EPHA6: variants seen among roughly 807,000 people sequenced by gnomAD.
The protein encoded by EPHA6 is ephrin type-A receptor 6.
EPHA6 carries 50 observed loss-of-function variants against 112.0 expected under a neutral mutation model. The observed-to-expected ratio is 0.45, with a 90% confidence interval of 0.36 to 0.56. EPHA6 has a LOEUF of 0.56. EPHA6 is among the 20% of genes least tolerant of loss of function. The probability of loss-of-function intolerance (pLI) is 0.00; values close to 1 mark genes in which losing one functional copy is unlikely to be tolerated. For missense variants in EPHA6, 1,280 were observed against 1,417.4 expected, an observed-to-expected ratio of 0.90 and a Z score of 1.56; for synonymous variants, 529 against 490.7, an observed-to-expected ratio of 1.08 and a Z score of -1.03.
chr3:97,120,754 A>G (rs2108302033), intron 3 of EPHA6, among the ~76,000 whole-genome samples: 1 of 152,086 alleles, frequency 6.6e-6, no homozygotes, highest in East Asian at 1.9e-4. Context: ...CTGGTGGGAT[A>G]TGTGAATACA....
chr3:97,040,751 A>C (rs573918602), intron 3 of EPHA6, among the ~76,000 whole-genome samples: 1 of 152,242 alleles, frequency 6.6e-6, no homozygotes, highest in African/African-American at 2.4e-5. Context: ...TGCAACAGCA[A>C]AGCAATGATG....
intron 3 of EPHA6, chr3:96,994,182 C>T (rs1307613566): frequency 5.2e-6 from 2 of 383,620 alleles, no homozygotes; most frequent in African/African-American, 2.0e-5. Flanking sequence ...TTATATTAAG[C>T]ATGTTTGCTA....
intron 3 of EPHA6, among the ~76,000 whole-genome samples, chr3:96,993,278 C>T (rs758717382): frequency 5.3e-5 from 8 of 151,628 alleles, no homozygotes; most frequent in Non-Finnish European, 1.2e-4. Context: ...TATATGTTTC[C>T]CTTCCACCTA....
At chr3:96,856,779 T>C (rs942402058) in intron 1 of EPHA6, among the ~76,000 whole-genome samples, 10 of 152,154 alleles carry the variant, frequency 6.6e-5, no homozygotes, top group Admixed American at 6.5e-4. Context: ...TAGTACTCTT[T>C]AAGAAATCTT....
chr3:97,675,030 C>T (rs2031229128), intron 14 of EPHA6, among the ~76,000 whole-genome samples: 2 of 152,262 alleles, frequency 1.3e-5, no homozygotes, highest in South Asian at 2.1e-4. Context: ...TCTAAGGGGC[C>T]TATGCTTTGC....
chr3:97,091,305 G>A (rs1274193473), intron 3 of EPHA6, among the ~76,000 whole-genome samples: 8 of 152,040 alleles, frequency 5.3e-5, no homozygotes, highest in Admixed American at 4.6e-4. Context: ...AAACTAACTG[G>A]AAACAATATT....
chr3:97,646,103 G>T, intron 14 of EPHA6: 1 of 1,520,090 alleles, frequency 6.6e-7, no homozygotes, highest in South Asian at 1.2e-5. Flanking sequence ...CCATTAAAAT[G>T]ACTTTGCCAA....
intron 2 of EPHA6, among the ~76,000 whole-genome samples, chr3:96,922,034 TAGAGAG>T (rs112126178): frequency 2.7e-5 from 4 of 149,856 alleles, no homozygotes; most frequent in Non-Finnish European, 5.9e-5. Flanking sequence ...CCTTAATGTC[TAGAGAG>T]AGAGAGAGAG....
chr3:97,748,033 T>C (rs1329821311), intron 17 of EPHA6, among the ~76,000 whole-genome samples: 2 of 152,126 alleles, frequency 1.3e-5, no homozygotes, highest in Admixed American at 1.3e-4. Context: ...ATATTTAACA[T>C]GTGCTTAAAA....
chr3:97,399,376 C>T (rs2086859659), intron 5 of EPHA6, among the ~76,000 whole-genome samples: 1 of 151,542 alleles, frequency 6.6e-6, no homozygotes, highest in South Asian at 2.1e-4. Context: ...CATATCTTAG[C>T]TATGGTGAAT....
chr3:97,269,684 T>G (rs180935429), intron 5 of EPHA6, among the ~76,000 whole-genome samples: 26 of 152,324 alleles, frequency 1.7e-4, no homozygotes, highest in Non-Finnish European at 3.2e-4. Context: ...CATCAGAATT[T>G]TTTTGTTTCC....
intron 3 of EPHA6, among the ~76,000 whole-genome samples, chr3:97,127,187 C>A (rs2048205965): frequency 6.6e-6 from 1 of 152,082 alleles, no homozygotes; most frequent in East Asian, 1.9e-4. Flanking sequence ...GAGTGGACAG[C>A]AGTCAGGGAG....
intron 11 of EPHA6, among the ~76,000 whole-genome samples, chr3:97,548,855 C>T (rs1462159133): frequency 6.6e-6 from 1 of 152,172 alleles, no homozygotes; most frequent in Non-Finnish European, 1.5e-5. Flanking sequence ...TACAATCATG[C>T]ACCCCATAAC....
chr3:96,887,082 G>GAA (rs1211456923), intron 2 of EPHA6, among the ~76,000 whole-genome samples: 3 of 152,092 alleles, frequency 2.0e-5, no homozygotes, highest in Non-Finnish European at 4.4e-5. Flanking sequence ...TCTTTTTGAG[G>GAA]TAAATCAGGG....
chr3:96,957,595 G>C (rs2041809227), intron 2 of EPHA6, among the ~76,000 whole-genome samples: 1 of 152,170 alleles, frequency 6.6e-6, no homozygotes, highest in Non-Finnish European at 1.5e-5. Context: ...CCTGATTGGT[G>C]TTGTGAAAAT....
At chr3:97,335,224 G>A (rs894955887) in intron 5 of EPHA6, among the ~76,000 whole-genome samples, 5 of 152,098 alleles carry the variant, frequency 3.3e-5, no homozygotes, top group South Asian at 2.1e-4. Context: ...ACCACAAAGA[G>A]CGTGCTTTCT....
intron 3 of EPHA6, among the ~76,000 whole-genome samples, chr3:96,998,142 G>A (rs534412034): frequency 6.6e-6 from 1 of 151,914 alleles, no homozygotes; most frequent in South Asian, 2.1e-4. Flanking sequence ...TCAAATTTAT[G>A]TAAATAAATT....
chr3:97,205,309 T>C (rs1450682855), intron 3 of EPHA6, among the ~76,000 whole-genome samples: 1 of 152,050 alleles, frequency 6.6e-6, no homozygotes, highest in African/African-American at 2.4e-5. Context: ...GAACTGACAT[T>C]GAAAAACTTA....
chr3:97,054,913 T>C (rs2045804824), intron 3 of EPHA6, among the ~76,000 whole-genome samples: 1 of 152,128 alleles, frequency 6.6e-6, no homozygotes, highest in African/African-American at 2.4e-5. Context: ...CTTTCTTCCA[T>C]TGCCCTCTCT....
Sources: allele counts gnomAD v4.1 joint callset (sites outside exome capture counted in the v4.1 genomes callset), GRCh38; gene constraint gnomAD v4.1.1; transcripts MANE v1.5; gene names NCBI Gene and HGNC (gene_info 2026-07-23, HGNC 2026-07-21).